Variants in RASSF2 observed in about 807,000 individuals in gnomAD.
RASSF2 encodes ras association domain-containing protein 2.
Under a neutral mutation model 46.3 loss-of-function variants are expected in RASSF2, and 34 were observed. The ratio of observed to expected loss-of-function variants is 0.73; its 90% CI spans 0.56 to 0.98. The LOEUF (loss-of-function observed/expected upper bound fraction) is 0.98, where lower values mean the gene tolerates loss of function less well. RASSF2 is among the 50% of genes least tolerant of loss of function. The pLI is 0.00. For synonymous variants in RASSF2, 158 were observed against 162.5 expected (o/e 0.97, Z 0.21); for missense variants, 364 against 431.2 (o/e 0.84, Z 1.38).
intron 5 of RASSF2, 79 bp from the exon 6 acceptor site, chr20:4,792,706 C>T (rs902406704): frequency 2.0e-6 from 3 of 1,525,734 alleles, no homozygotes. Flanking sequence ...CCGCTGGACC[C>T]CACTCCTGAA....
chr20:4,804,227 A>C (rs1927146348), intron 2 of RASSF2, among the ~76,000 whole-genome samples: 1 of 152,014 alleles, frequency 6.6e-6, no homozygotes, highest in African/African-American at 2.4e-5. Context: ...TGGTCTCTCT[A>C]AATTTTAAAT....
At chr20:4,792,474 A>AC in intron 6 of RASSF2, 65 bp downstream of exon 6, 2 of 1,601,854 alleles carry the variant, frequency 1.2e-6, no homozygotes, top group Non-Finnish European at 1.7e-6. Context: ...ACAGTTTACA[A>AC]CATCTATCAC....
At chr20:4,789,522 CT>C in intron 8 of RASSF2, 73 bp downstream of exon 8, 1 of 1,295,710 alleles carries the variant, frequency 7.7e-7, no homozygotes, top group Non-Finnish European at 1.1e-6. Context: ...TCCATAGCTC[CT>C]CGCACAACCA....
intron 9 of RASSF2, 131 bp from the exon 10 acceptor site, chr20:4,787,885 A>C: frequency 8.5e-7 from 1 of 1,175,154 alleles, no homozygotes; most frequent in East Asian, 2.5e-5. Context: ...TAAGTGAACT[A>C]TTCCATAGGT....
In RASSF2 at chr20:4,780,305, T is replaced by C. The variant is rs530084399; in HGVS notation, c.*3968A>G. The C allele has an allele frequency of 6.6e-6, 1 of 152,276 alleles. No individual in the cohort carries two copies. Among genetic ancestry groups the C allele is most frequent in the Non-Finnish European group, 1.5e-5 (1 of 68,008 alleles). The allele number at this position is 152,276 out of a possible 1,614,324, so 9.4% of individuals were successfully genotyped here. On this transcript the variant is annotated 3_prime_UTR_variant, in exon 12 of 12. Transcript: ENST00000379400. Reference sequence around the variant, plus strand: ...CCAGAAACATCAGCCTGGAAACAGGTCTGCGATCTGCAGGGAAGACTCCAA... The same window carrying C: ...CCAGAAACATCAGCCTGGAAACAGGCCTGCGATCTGCAGGGAAGACTCCAA...
At position 4,781,268 on chromosome 20, in the gene RASSF2, A is replaced by G. The variant is rs1357369458; in HGVS notation, c.*3005T>C. 4 of 152,150 alleles carry G rather than the reference A, an allele frequency of 2.6e-5. No homozygotes were observed. The highest frequency in any genetic ancestry group is 5.9e-5 in the Non-Finnish European group (4 of 68,034). 9.4% of individuals were successfully genotyped at this position (152,150 alleles called of 1,614,324 possible). On this transcript the variant is annotated 3_prime_UTR_variant, in exon 12 of 12. Coordinates refer to ENST00000379400, the MANE Select transcript of RASSF2 (RefSeq NM_014737.3). The stretch of plus-strand genomic sequence containing the variant: ...TATATGCTACCGATATTAGGATAAA[A>G]TGTGTTTACCTAGAGGTTTCTAGGA...
rs376464667 is a variant in RASSF2 at position 4,784,268 on chromosome 20, A to G, written c.*5T>C. 106 of 1,612,628 alleles carry G rather than the reference A, an allele frequency of 6.6e-5. No homozygotes were observed. Among genetic ancestry groups the G allele is most frequent in the Middle Eastern group, 1.6e-4 (1 of 6,082 alleles). On this transcript the variant is annotated 3_prime_UTR_variant, in exon 12 of 12. Coordinates refer to ENST00000379400, the MANE Select transcript of RASSF2 (RefSeq NM_014737.3). ...GGGGTGCCCAGATCCCCTCGTTCTCATGGCTCAGATTGTTGCTGGGGTCTC... is the reference window on the plus strand; with the variant it reads ...GGGGTGCCCAGATCCCCTCGTTCTCGTGGCTCAGATTGTTGCTGGGGTCTC...
Position 4,782,498 on chromosome 20 carries a change from A to T in RASSF2, c.*1775T>A, listed in dbSNP as rs527313728. 6.6e-6 allele frequency: 1 copy of T among 152,648 alleles called. No homozygotes were observed. Among genetic ancestry groups the T allele is most frequent in the African/African-American group, 2.4e-5 (1 of 41,550 alleles). The allele number at this position is 152,648 out of a possible 1,614,324, so 9.5% of individuals were successfully genotyped here. A position where few individuals can be genotyped will look rare whatever the true frequency, so the allele number is the denominator to read the frequency against. ...CTTGCAGAAGCCCTTCTGGGCTTCC[A>T]CTCCATGCCCCACAGGGCTGGTGCT... On this transcript the variant is annotated 3_prime_UTR_variant, in exon 12 of 12. Transcript: ENST00000379400.
At chr20:4,810,449 C>T (rs984407297) in intron 2 of RASSF2, among the ~76,000 whole-genome samples, 2 of 152,162 alleles carry the variant, frequency 1.3e-5, no homozygotes, top group African/African-American at 2.4e-5. Flanking sequence ...CCCCTCTGCT[C>T]TTAGGTCTTG....
Position 4,782,362 on chromosome 20 carries a change from A to G in RASSF2, c.*1911T>C, listed in dbSNP as rs756244431. 6 of 152,692 alleles carry G rather than the reference A, an allele frequency of 3.9e-5. No individual in the cohort carries two copies. Among genetic ancestry groups the G allele is most frequent in the Non-Finnish European group, 7.3e-5 (5 of 68,048 alleles). 9.5% of individuals were successfully genotyped at this position (152,692 alleles called of 1,614,324 possible). ...AGAAGTTCTCCAAATCATTTTCTCA[A>G]TTGCAAAACTCAGGAGGTGTTTGCA... On this transcript the variant is annotated 3_prime_UTR_variant, in exon 12 of 12. Coordinates refer to ENST00000379400, the MANE Select transcript of RASSF2 (RefSeq NM_014737.3).
chr20:4,799,850 G>A (rs754601229), intron 3 of RASSF2, among the ~76,000 whole-genome samples: 10 of 152,218 alleles, frequency 6.6e-5, no homozygotes, highest in Non-Finnish European at 1.3e-4. Context: ...GGTGGCTCAC[G>A]CCTGTAATCC....
chr20:4,785,563 A>G (rs1601079983), intron 11 of RASSF2, among the ~76,000 whole-genome samples: 1 of 152,318 alleles, frequency 6.6e-6, no homozygotes, highest in East Asian at 1.9e-4. Flanking sequence ...AAGCCGCTTT[A>G]TTTTTCAATC....
At position 4,784,013 on chromosome 20, in the gene RASSF2, C is replaced by A; in HGVS notation, c.*260G>T. The stretch of plus-strand genomic sequence containing the variant: ...TGGACACGTACCATGTGTGCACACA[C>A]ATGTACACACACACATTTTGGGTCC... On this transcript the variant is annotated 3_prime_UTR_variant, in exon 12 of 12. Transcript: ENST00000379400. 1.9e-6 allele frequency: 1 copy of A among 528,528 alleles called. No individual in the cohort carries two copies. The highest frequency in any genetic ancestry group is 3.4e-6 in the Non-Finnish European group (1 of 291,398). The allele number at this position is 528,528 out of a possible 1,614,324, so 32.7% of individuals were successfully genotyped here. A position where few individuals can be genotyped will look rare whatever the true frequency, so the allele number is the denominator to read the frequency against.
chr20:4,795,814 C>A lies in RASSF2; in HGVS notation c.287+1G>T. 6.2e-7 allele frequency: 1 copy of A among 1,609,728 alleles called. No individual in the cohort carries two copies. Among genetic ancestry groups the A allele is most frequent in the Non-Finnish European group, 8.5e-7 (1 of 1,177,484 alleles). On this transcript the variant is annotated splice_donor_variant, in intron 5 of 11. Transcript: ENST00000379400. LOFTEE classifies it high-confidence loss of function. The surrounding 1 kb of genome is among the most constrained non-coding windows in gnomAD (Gnocchi z 4.0). ...TCCCTGCCCCGTCTCTCCTCACTCA[C>A]CCCTGAGCCCCCAGGTTACAGCCAG...
At chr20:4,797,432 T>C (rs1366338510) in intron 4 of RASSF2, among the ~76,000 whole-genome samples, 1 of 152,204 alleles carries the variant, frequency 6.6e-6, no homozygotes, top group African/African-American at 2.4e-5. Context: ...CCTACCAGAC[T>C]CCTTTATAAC....
rs1003979827 is a variant in RASSF2, at chr20:4,780,840, G to T, written c.*3433C>A. On this transcript the variant is annotated 3_prime_UTR_variant, in exon 12 of 12. Transcript: ENST00000379400. ...AAAAATTAGCCGGGCGTGGTGGCGG[G>T]TCCCTGTAATTCCAGCTACTTGGGA... The T allele has an allele frequency of 1.3e-5, 2 of 152,072 alleles. No homozygotes were observed. The highest frequency in any genetic ancestry group is 1.3e-4 in the Admixed American group (2 of 15,270). 9.4% of individuals were successfully genotyped at this position (152,072 alleles called of 1,614,324 possible).
chr20:4,803,916 G>A (rs74960588), intron 2 of RASSF2, among the ~76,000 whole-genome samples: 14,457 of 152,050 alleles, frequency 0.095, 815 homozygotes, highest in East Asian at 0.19. Context: ...AAATTAGCCA[G>A]ATGTGCTAGC....
chr20:4,807,174 G>A (rs767631120), intron 2 of RASSF2, among the ~76,000 whole-genome samples: 3 of 152,106 alleles, frequency 2.0e-5, no homozygotes, highest in Admixed American at 1.3e-4. Flanking sequence ...TATCACTAGA[G>A]AATTCGCTGG....
At chr20:4,792,722 A>G in intron 5 of RASSF2, 95 bp from the exon 6 acceptor site, 2 of 1,496,058 alleles carry the variant, frequency 1.3e-6, no homozygotes, top group Non-Finnish European at 1.8e-6. Context: ...CTGAAAGGGG[A>G]GCACTTTGCT....
Sources: gnomAD v4.1 joint callset for allele counts (sites outside exome capture counted in the v4.1 genomes callset) on GRCh38, gnomAD v4.1.1 for gene constraint, Gnocchi (gnomAD v3.1) non-coding constraint, MANE v1.5 for transcripts, NCBI Gene and HGNC (gene_info 2026-07-23, HGNC 2026-07-21) for gene names.